Variants in THAP3 observed in about 807,000 individuals in gnomAD.
The protein encoded by THAP3 is THAP domain-containing protein 3.
In THAP3, 12 loss-of-function variants were observed where a neutral mutation model predicts 17.7. The ratio of observed to expected loss-of-function variants is 0.68; its 90% CI spans 0.43 to 1.10. The LOEUF is 1.10. Among genes scored for constraint, THAP3 ranks in the 50% least tolerant of loss-of-function variants. The probability of loss-of-function intolerance (pLI) is 0.00; values close to 1 mark genes in which losing one functional copy is unlikely to be tolerated. For missense variants in THAP3, 289 were observed against 318.0 expected (o/e 0.91, Z 0.69); for synonymous variants, 133 against 126.9 (o/e 1.05, Z -0.32).
chr1:6,633,882 T>C, downstream of THAP3: 1 of 751,494 alleles, frequency 1.3e-6, no homozygotes, highest in Non-Finnish European at 2.2e-6. Context: ...TGCCCTCTAG[T>C]ATTGTCACTG....
downstream of THAP3, chr1:6,634,838 C>T: frequency 8.1e-7 from 1 of 1,241,186 alleles, no homozygotes. Context: ...TTGGGTGTGT[C>T]TGATGTCTTG....
intron 5 of THAP3, 125 bp downstream of exon 5, chr1:6,632,620 C>A (rs1272815671): frequency 3.4e-6 from 5 of 1,466,148 alleles, no homozygotes; most frequent in Non-Finnish European, 4.6e-6. Flanking sequence ...GCCTGGGTTT[C>A]AGAGCTCCCC....
chr1:6,634,990 C>T (rs937831382), downstream of THAP3: 1 of 692,244 alleles, frequency 1.4e-6, no homozygotes, highest in Non-Finnish European at 2.0e-6. Context: ...CGGGAAGCCA[C>T]CTGTGTCAGG....
Position 6,633,191 on chromosome 1 carries a change from G to A in THAP3, c.*114G>A. ...GGACACTGAGAAAGTTGGCCATGAG[G>A]CCTGCTTGGCCGGGGATCGAGACAG... On this transcript the variant is annotated 3_prime_UTR_variant, in exon 6 of 6. Coordinates refer to ENST00000054650, the MANE Select transcript of THAP3 (RefSeq NM_001195753.2). 6.8e-7 allele frequency: 1 copy of A among 1,466,166 alleles called. No individual in the cohort carries two copies. The allele number at this position is 1,466,166 out of a possible 1,614,324, so 90.8% of individuals were successfully genotyped here.
chr1:6,632,955 G>A lies in THAP3; in HGVS notation c.598G>A (p.Glu200Lys). The A allele has an allele frequency of 6.2e-7, 1 of 1,612,960 alleles. No homozygotes were observed. Among genetic ancestry groups the A allele is most frequent in the Non-Finnish European group, 8.5e-7 (1 of 1,179,902 alleles). Residue 200 changes from glutamate to lysine, a missense_variant, in exon 6 of 6, where the codon GAA becomes AAA. By Grantham distance (56) the Glu-to-Lys change is moderately conservative. Coordinates refer to ENST00000054650, the MANE Select transcript of THAP3 (RefSeq NM_001195753.2). ...ACTCTTCCTCACTCTGAAGGAAAAT[G>A]AAAAGCTCCGGAAGCGCTTGCAGGC... ...KKLFLTLKEN[E>K]KLRKRLQAQR...
Position 6,628,674 on chromosome 1 carries a change from T to C in THAP3, c.250T>C (p.Phe84Leu), listed in dbSNP as rs1292608067. Residue 84 changes from phenylalanine to leucine, a missense_variant, in exon 3 of 6, where the codon TTT (phenylalanine) becomes CTT (leucine). By Grantham distance (22) the Phe-to-Leu change is conservative (BLOSUM62 0). Coordinates refer to ENST00000054650, the MANE Select transcript of THAP3 (RefSeq NM_001195753.2). ...KHNAVPTVFAFQDPTQQVREN... is the reference protein window; with the variant it reads ...KHNAVPTVFALQDPTQQVREN... ...CAATGCCGTGCCCACGGTGTTCGCC[T>C]TTCAGGACCCCACACAGGTAGGAGG... is the stretch of plus-strand genomic sequence containing the variant. 8 of 1,613,056 alleles carry C rather than the reference T, an allele frequency of 5.0e-6. No individual in the cohort carries two copies. Among genetic ancestry groups the C allele is most frequent in the Non-Finnish European group, 6.8e-6 (8 of 1,179,738 alleles).
At chr1:6,629,285 G>A (rs571419753) in intron 3 of THAP3, among the ~76,000 whole-genome samples, 8 of 152,326 alleles carry the variant, frequency 5.3e-5, no homozygotes, top group East Asian at 3.9e-4. Flanking sequence ...GGGCAGTGGC[G>A]GGACAAGCCA....
chr1:6,631,574 G>A (rs557180787), intron 4 of THAP3, among the ~76,000 whole-genome samples: 9 of 152,260 alleles, frequency 5.9e-5, no homozygotes, highest in African/African-American at 2.2e-4. Flanking sequence ...TTCGAAACCA[G>A]CCTGGCCAAC....
intron 2 of THAP3, among the ~76,000 whole-genome samples, chr1:6,627,314 C>T (rs1283367338): frequency 6.6e-6 from 1 of 152,198 alleles, no homozygotes; most frequent in Non-Finnish European, 1.5e-5. Flanking sequence ...GCCTGTCACC[C>T]CAGCACATGG....
chr1:6,625,241 G>C lies in THAP3; in HGVS notation c.23G>C (p.Arg8Pro). 1 of 1,545,508 alleles carries C rather than the reference G, an allele frequency of 6.5e-7. No homozygotes were observed. Among genetic ancestry groups the C allele is most frequent in the Non-Finnish European group, 8.7e-7 (1 of 1,147,190 alleles). MPKSCAA[R>P]QCCNRYSSRR... is the part of the protein sequence containing the mutation. ...GAGATGCCGAAGTCGTGCGCGGCCC[G>C]GCAGTGCTGCAACCGCTACAGCAGC... Residue 8 changes from arginine (R) to proline (P), a missense_variant, in exon 2 of 6, where the codon CGG becomes CCG. By Grantham distance (103) the Arg-to-Pro change is moderately radical. Coordinates refer to ENST00000054650, the MANE Select transcript of THAP3 (RefSeq NM_001195753.2).
At chr1:6,635,228 C>A (rs1641739052), downstream of THAP3, 1 of 169,642 alleles carries the variant, frequency 5.9e-6, no homozygotes, top group East Asian at 1.6e-4. Flanking sequence ...GGCTCCCTGA[C>A]CGGGAGGCCT....
rs1259564613 is a variant in THAP3 at position 6,633,077 on chromosome 1, AGCCCCACAGGCTCCGGACGCAGAGGTG to A, written c.*3_*29del. The A allele has an allele frequency of 6.3e-6, 10 of 1,598,610 alleles. No individual in the cohort carries two copies. The highest frequency in any genetic ancestry group is 8.5e-6 in the Non-Finnish European group (10 of 1,173,688). On this transcript the variant is annotated 3_prime_UTR_variant, in exon 6 of 6. Coordinates refer to ENST00000054650, the MANE Select transcript of THAP3 (RefSeq NM_001195753.2). ...GACTTGGGCCAGAGCAGCAGAGCTG[AGCCCCACAGGCTCCGGACGCAGAGGTG>A]GCAGTGGCACCAGGGCCGGCAGAGC...
intron 2 of THAP3, among the ~76,000 whole-genome samples, chr1:6,625,835 C>T (rs912664819): frequency 1.3e-5 from 2 of 152,188 alleles, no homozygotes; most frequent in Non-Finnish European, 2.9e-5. Flanking sequence ...CATTTCTCTA[C>T]CCACTTTTGG....
In THAP3 at chr1:6,628,613, C is replaced by T; in HGVS notation, c.189C>T (p.Cys63=). Reference sequence around the variant, plus strand: ...GCTCCGAGCACTTCCGGCCAGAGTGCTTCAGCGCCTTTGGAAACCGCAAGA... The same window carrying T: ...GCTCCGAGCACTTCCGGCCAGAGTGTTTCAGCGCCTTTGGAAACCGCAAGA... ...VICSEHFRPE[C]FSAFGNRKNL... is the part of the protein sequence containing the mutation. Residue 63 remains cysteine (C), a synonymous_variant, in exon 3 of 6, where the codon TGC becomes TGT. Transcript: ENST00000054650. 6.2e-7 allele frequency: 1 copy of T among 1,613,874 alleles called. No homozygotes were observed. The highest frequency in any genetic ancestry group is 2.2e-5 in the East Asian group (1 of 44,886).
chr1:6,631,486 G>A (rs566749699), intron 4 of THAP3, among the ~76,000 whole-genome samples: 16 of 152,054 alleles, frequency 1.1e-4, no homozygotes, highest in African/African-American at 3.1e-4. Context: ...AAAATTAGCC[G>A]GGCTGGGCGC....
chr1:6,633,477 A>G lies in THAP3; in HGVS notation c.*400A>G. 8.8e-7 allele frequency: 1 copy of G among 1,133,344 alleles called. No homozygotes were observed. The highest frequency in any genetic ancestry group is 1.1e-6 in the Non-Finnish European group (1 of 918,268). The allele number at this position is 1,133,344 out of a possible 1,614,324, so 70.2% of individuals were successfully genotyped here. A position where few individuals can be genotyped will look rare whatever the true frequency, so the allele number is the denominator to read the frequency against. On this transcript the variant is annotated 3_prime_UTR_variant, in exon 6 of 6. Transcript: ENST00000054650. ...CGGGTGAGTGGTCCCCTCCTCCATC[A>G]GCCTGGACAGCCGCTCGGGGTTCTA...
chr1:6,634,962 C>A (rs1291720851), downstream of THAP3: 4 of 970,236 alleles, frequency 4.1e-6, no homozygotes, highest in Non-Finnish European at 4.0e-6. Context: ...GGTGGCAGGG[C>A]GTTTTCCCAC....
chr1:6,635,063 C>T (rs1043681), downstream of THAP3: 157,805 of 231,772 alleles, frequency 0.68, 54,413 homozygotes, highest in Middle Eastern at 0.81. Context: ...GGTGGAATGA[C>T]TTGAGCAGCT....
At chr1:6,630,877 CTT>C (rs57542230) in intron 4 of THAP3, among the ~76,000 whole-genome samples, 1 of 144,728 alleles carries the variant, frequency 6.9e-6, no homozygotes, top group Non-Finnish European at 1.5e-5. Flanking sequence ...TGGGCCCCCA[CTT>C]TTTTTTTTTT....
Sources: gnomAD v4.1 joint callset for allele counts (sites outside exome capture counted in the v4.1 genomes callset) on GRCh38, gnomAD v4.1.1 for gene constraint, MANE v1.5 for transcripts, NCBI Gene and HGNC (gene_info 2026-07-23, HGNC 2026-07-21) for gene names.